Variants in ADGRB3 observed in about 807,000 individuals in gnomAD.
ADGRB3 encodes brain-specific angiogenesis inhibitor 3.
Under a neutral mutation model 193.4 loss-of-function variants are expected in ADGRB3, and 37 were observed. The observed-to-expected ratio is 0.19, with a 90% CI of 0.15 to 0.25. ADGRB3 has a LOEUF of 0.25. Among genes scored for constraint, ADGRB3 ranks in the 10% least tolerant of loss-of-function variants. ADGRB3 has a pLI of 1.00. For synonymous variants in ADGRB3, 690 were observed against 644.2 expected (o/e 1.07, Z -1.08); for missense variants, 1,637 against 1,852.9 (o/e 0.88, Z 2.14).
In ADGRB3 at chr6:68,749,408, ATGTGTGTGTGTGTGTGTGTGTGTGTG is replaced by A. The variant is rs60078030; in HGVS notation, c.757+109990_757+110015del. On this transcript the variant is annotated intron_variant, in intron 3 of 31. Transcript: ENST00000370598. Reference sequence around the variant, plus strand: ...TAAACTCCCCTTTATATATATATATATGTGTGTGTGTGTGTGTGTGTGTGTGTGTGTGTGTGTGTATAATTAATTCT... The same window carrying A: ...TAAACTCCCCTTTATATATATATATATGTGTGTGTGTGTATAATTAATTCT... Among the ~76,000 whole-genome samples the A allele has an allele frequency of 8.1e-5, 11 of 136,564 alleles. No individual in the cohort carries two copies. In the South Asian group the frequency reaches 2.4e-3, roughly 30 times the overall value. The allele number at this position is 136,564 out of a possible 152,430, so 89.6% of individuals were successfully genotyped here. A position where few individuals can be genotyped will look rare whatever the true frequency, so the allele number is the denominator to read the frequency against.
Position 69,382,912 on chromosome 6 carries a change from G to A in ADGRB3, c.4357G>A (p.Asp1453Asn). 1 of 1,606,662 alleles carries A rather than the reference G, an allele frequency of 6.2e-7. No homozygotes were observed. Among genetic ancestry groups the A allele is most frequent in the Non-Finnish European group, 8.5e-7 (1 of 1,175,290 alleles). Residue 1453 changes from aspartate (D) to asparagine (N), a missense_variant, in exon 31 of 32, where the codon GAT becomes AAT. Asp to Asn is a conservative substitution (Grantham distance 23). Transcript: ENST00000370598. ...QKFQTLDRFRDIPNTSSMENP... is the reference protein window; with the variant it reads ...QKFQTLDRFRNIPNTSSMENP... The stretch of plus-strand genomic sequence containing the variant: ...ATTTCAAACTTTGGACAGATTTCGG[G>A]ATATACCAAATACAAGCAGTATGGT...
intron 3 of ADGRB3, among the ~76,000 whole-genome samples, chr6:68,654,394 T>C (rs1329776361): frequency 6.6e-6 from 1 of 152,052 alleles, no homozygotes; most frequent in Non-Finnish European, 1.5e-5. Context: ...GATTATGATA[T>C]GCTCATTAAT....
chr6:68,668,316 G>A (rs72897155), intron 3 of ADGRB3, among the ~76,000 whole-genome samples: 307 of 151,922 alleles, frequency 2.0e-3, no homozygotes, highest in Non-Finnish European at 3.6e-3. Flanking sequence ...AATCACATCC[G>A]GAACCCTACC....
chr6:69,029,999 CACACAT>C (rs1317371788), intron 13 of ADGRB3, among the ~76,000 whole-genome samples: 1 of 151,270 alleles, frequency 6.6e-6, no homozygotes, highest in Non-Finnish European at 1.5e-5. Context: ...CACACACACA[CACACAT>C]ATATATATAG....
At chr6:68,849,218 CTAATA>C (rs1419435470) in intron 3 of ADGRB3, among the ~76,000 whole-genome samples, 1 of 151,856 alleles carries the variant, frequency 6.6e-6, no homozygotes, top group African/African-American at 2.4e-5. Context: ...AAAGTACTTC[CTAATA>C]TATTTGTATT....
At position 69,018,377 on chromosome 6, in the gene ADGRB3, G is replaced by A; in HGVS notation, c.1999-14G>A. The stretch of plus-strand genomic sequence containing the variant: ...AGATTTTTTATTCCTTCTAACCTTT[G>A]CTTATTTTTCTAGATTTATCCAGGG... On this transcript the variant is annotated splice_polypyrimidine_tract_variant and intron_variant, in intron 12 of 31. Transcript: ENST00000370598. 1 of 1,531,332 alleles carries A rather than the reference G, an allele frequency of 6.5e-7. No homozygotes were observed. Among genetic ancestry groups the A allele is most frequent in the Non-Finnish European group, 9.0e-7 (1 of 1,115,536 alleles). The allele number at this position is 1,531,332 out of a possible 1,614,324, so 94.9% of individuals were successfully genotyped here. A position where few individuals can be genotyped will look rare whatever the true frequency, so the allele number is the denominator to read the frequency against.
In ADGRB3 at chr6:69,087,119, G is replaced by A. The variant is rs542633350; in HGVS notation, c.2480+11081G>A. On this transcript the variant is annotated intron_variant, in intron 17 of 31. Coordinates refer to ENST00000370598, the MANE Select transcript of ADGRB3 (RefSeq NM_001704.3). Reference sequence around the variant, plus strand: ...TCTAACTTGAGCCTACACTAAAATTGGAATTCAGAGAAACACCCAAGACTG... The same window carrying A: ...TCTAACTTGAGCCTACACTAAAATTAGAATTCAGAGAAACACCCAAGACTG... 3.3e-5 allele frequency among the ~76,000 whole-genome samples: 5 copies of A among 152,198 alleles called. No homozygotes were observed. In the South Asian group the frequency reaches 1.0e-3, roughly 32 times the overall value.
In ADGRB3 at chr6:69,361,290, G is replaced by T. The variant is rs752611308; in HGVS notation, c.4017G>T (p.Arg1339Ser). 2 of 1,612,826 alleles carry T rather than the reference G, an allele frequency of 1.2e-6. No homozygotes were observed. Among genetic ancestry groups the T allele is most frequent in the Non-Finnish European group, 1.7e-6 (2 of 1,179,230 alleles). Reference sequence around the variant, plus strand: ...GCATGGAAACCTTGCCGCATGAAAGGCTATTGCACTACAAAGTAAACCCTG... The same window carrying T: ...GCATGGAAACCTTGCCGCATGAAAGTCTATTGCACTACAAAGTAAACCCTG... The part of the protein sequence containing the change: ...NIGMETLPHE[R>S]LLHYKVNPEF... Residue 1339 changes from arginine to serine, a missense_variant, in exon 29 of 32, where the codon AGG becomes AGT. Transcript: ENST00000370598.
At chr6:69,254,082 C>T (rs1465205357) in intron 20 of ADGRB3, among the ~76,000 whole-genome samples, 4 of 152,102 alleles carry the variant, frequency 2.6e-5, no homozygotes, top group African/African-American at 7.2e-5. Context: ...AGCACAAGGA[C>T]CAGAATGTAT....
At chr6:69,067,149 T>C (rs1294262311) in intron 16 of ADGRB3, among the ~76,000 whole-genome samples, 1 of 152,228 alleles carries the variant, frequency 6.6e-6, no homozygotes, top group African/African-American at 2.4e-5. Flanking sequence ...TGCAGTCTCA[T>C]CTTGGCTTTT....
rs764361758 is a variant in ADGRB3, at chr6:68,993,885, A to G, written c.1852A>G (p.Met618Val). 12 of 1,613,850 alleles carry G rather than the reference A, an allele frequency of 7.4e-6. No homozygotes were observed. Among genetic ancestry groups the G allele is most frequent in the Admixed American group, 6.7e-5 (4 of 59,986 alleles). Residue 618 changes from methionine (M) to valine (V), a missense_variant, in exon 11 of 32, where the codon ATG becomes GTG. Met to Val is a conservative substitution (Grantham distance 21). Coordinates refer to ENST00000370598, the MANE Select transcript of ADGRB3 (RefSeq NM_001704.3). ...RKNFYAGDLL[M>V]SVEILRNVTD... is the part of the protein sequence containing the mutation. ...AAATTTCTATGCAGGCGATCTTCTG[A>G]TGTCTGTGGAGATCCTGAGAAATGT...
chr6:68,699,562 A>G (rs1350704972), intron 3 of ADGRB3, among the ~76,000 whole-genome samples: 2 of 151,822 alleles, frequency 1.3e-5, no homozygotes, highest in Non-Finnish European at 2.9e-5. Flanking sequence ...TACTCAGACA[A>G]TCTCTTCTTT....
At chr6:69,279,167 G>A (rs1435402534) in intron 20 of ADGRB3, among the ~76,000 whole-genome samples, 9 of 140,150 alleles carry the variant, frequency 6.4e-5, no homozygotes, top group Non-Finnish European at 1.4e-4. Context: ...CACATTGTAA[G>A]CTGAAAAGAT....
intron 17 of ADGRB3, among the ~76,000 whole-genome samples, chr6:69,173,386 T>C (rs1186170964): frequency 6.6e-6 from 1 of 152,244 alleles, no homozygotes; most frequent in Non-Finnish European, 1.5e-5. Context: ...TTGAAGCCAC[T>C]GATTTTTCTT....
At chr6:69,018,894 A>G (rs1317618383) in intron 13 of ADGRB3, among the ~76,000 whole-genome samples, 1 of 151,986 alleles carries the variant, frequency 6.6e-6, no homozygotes, top group Non-Finnish European at 1.5e-5. Flanking sequence ...TCTTCCGTAC[A>G]TTGTTCTTGA....
At chr6:68,733,093 C>G (rs1765802621) in intron 3 of ADGRB3, among the ~76,000 whole-genome samples, 1 of 151,716 alleles carries the variant, frequency 6.6e-6, no homozygotes, top group African/African-American at 2.4e-5. Flanking sequence ...AATAGAACTA[C>G]TGTTCCACCT....
intron 17 of ADGRB3, among the ~76,000 whole-genome samples, chr6:69,215,954 A>G (rs1376238574): frequency 1.3e-5 from 2 of 152,146 alleles, no homozygotes; most frequent in South Asian, 2.1e-4. Flanking sequence ...CAAATCTCCT[A>G]TCTACCTTGA....
chr6:69,225,509 T>C (rs976576724), intron 17 of ADGRB3, among the ~76,000 whole-genome samples: 2 of 152,220 alleles, frequency 1.3e-5, no homozygotes, highest in Non-Finnish European at 2.9e-5. Context: ...GGAGTCATAC[T>C]TGAGCTCAAT....
intron 3 of ADGRB3, among the ~76,000 whole-genome samples, chr6:68,852,133 C>A (rs1415273352): frequency 6.6e-6 from 1 of 151,840 alleles, no homozygotes; most frequent in Non-Finnish European, 1.5e-5. Flanking sequence ...TTTCCTCTTT[C>A]TTTGTAGAAT....
Sources: allele counts gnomAD v4.1 joint callset (sites outside exome capture counted in the v4.1 genomes callset), GRCh38; gene constraint gnomAD v4.1.1; transcripts MANE v1.5; gene names NCBI Gene and HGNC (gene_info 2026-07-23, HGNC 2026-07-21).